Variants in TRAPPC3L observed in about 807,000 individuals in gnomAD.
TRAPPC3L encodes trafficking protein particle complex subunit 3L.
A neutral mutation model predicts 23.7 loss-of-function variants in TRAPPC3L; 23 were observed. The observed-to-expected ratio is 0.97, with a 90% CI of 0.70 to 1.37. The LOEUF is 1.37. TRAPPC3L is among the 40% of genes most tolerant of loss of function. The pLI, the probability that TRAPPC3L is intolerant of heterozygous loss-of-function variation, is 0.00. For missense variants in TRAPPC3L, 212 were observed against 216.8 expected (o/e 0.98, Z 0.14); for synonymous variants, 81 against 77.9 (o/e 1.04, Z -0.21).
chr6:116,531,706 A>G (rs965186215), intron 3 of TRAPPC3L, among the ~76,000 whole-genome samples: 7 of 152,204 alleles, frequency 4.6e-5, no homozygotes, highest in African/African-American at 1.7e-4. Context: ...ATAATATGAA[A>G]TGCACTATGT....
chr6:116,505,118 C>T (rs1383322013), intron 3 of TRAPPC3L, among the ~76,000 whole-genome samples: 2 of 152,086 alleles, frequency 1.3e-5, no homozygotes, highest in Non-Finnish European at 2.9e-5. Context: ...TTTAGAAAAC[C>T]CCATTGTCTC....
intron 3 of TRAPPC3L, chr6:116,523,175 T>C (rs1373512514): frequency 1.3e-5 from 2 of 152,094 alleles, no homozygotes; most frequent in African/African-American, 4.8e-5. Flanking sequence ...CTCAGAATCC[T>C]GGCCTGCACT....
chr6:116,535,779 G>A (rs889867091), intron 3 of TRAPPC3L, among the ~76,000 whole-genome samples: 45 of 152,198 alleles, frequency 3.0e-4, no homozygotes, highest in African/African-American at 1.1e-3. Flanking sequence ...TACCATAGTA[G>A]AAAAATATCT....
chr6:116,520,585 A>G (rs979360037), intron 3 of TRAPPC3L: 1 of 152,184 alleles, frequency 6.6e-6, no homozygotes, highest in Non-Finnish European at 1.5e-5. Flanking sequence ...TTTGACAATC[A>G]CAATGTCTGG....
chr6:116,509,526 C>T (rs1235940630), intron 3 of TRAPPC3L, among the ~76,000 whole-genome samples: 1 of 152,020 alleles, frequency 6.6e-6, no homozygotes, highest in East Asian at 1.9e-4. Flanking sequence ...GAATAGAGAA[C>T]TCAGAACCAA....
intron 3 of TRAPPC3L, chr6:116,512,338 G>T: frequency 7.8e-7 from 1 of 1,286,314 alleles, no homozygotes; most frequent in Non-Finnish European, 1.1e-6. Context: ...AGAATATTTT[G>T]AAACTAAATG....
intron 3 of TRAPPC3L, among the ~76,000 whole-genome samples, chr6:116,538,630 T>C (rs2064878): frequency 0.66 from 100,795 of 151,848 alleles, 33,716 homozygotes; most frequent in East Asian, 0.89. Context: ...CAACCTTAAA[T>C]ACAGGAGTCA....
chr6:116,524,421 C>T (rs1246227319), intron 3 of TRAPPC3L: 2 of 152,318 alleles, frequency 1.3e-5, no homozygotes, highest in African/African-American at 4.8e-5. Flanking sequence ...CAAAGGCTCA[C>T]AGGAATGCTA....
chr6:116,545,538 G>A lies in TRAPPC3L; in HGVS notation c.-24C>T. 1 of 1,540,542 alleles carries A rather than the reference G, an allele frequency of 6.5e-7. No individual in the cohort carries two copies. The highest frequency in any genetic ancestry group is 8.8e-7 in the Non-Finnish European group (1 of 1,139,212). On this transcript the variant is annotated 5_prime_UTR_variant, in exon 1 of 5. Coordinates refer to ENST00000368602, the MANE Select transcript of TRAPPC3L (RefSeq NM_001139444.3). The stretch of plus-strand genomic sequence containing the variant: ...ATAGTGCTTGATAGATGAAGAATAT[G>A]ATCTTCAATTTCTCTTCTTTTGCCT...
At chr6:116,512,019 T>G in intron 3 of TRAPPC3L, 2 of 1,613,998 alleles carry the variant, frequency 1.2e-6, no homozygotes, top group Non-Finnish European at 1.7e-6. Context: ...CTGAGCTCAT[T>G]GGTGGCTCCA....
chr6:116,511,884 T>C lies in TRAPPC3L; in HGVS notation c.241-11218A>G, dbSNP rs1252286717. 1 of 1,614,100 alleles carries C rather than the reference T, an allele frequency of 6.2e-7. No homozygotes were observed. Among genetic ancestry groups the C allele is most frequent in the East Asian group, 2.2e-5 (1 of 44,878 alleles). On this transcript the variant is annotated intron_variant, in intron 3 of 4. Coordinates refer to ENST00000368602, the MANE Select transcript of TRAPPC3L (RefSeq NM_001139444.3). Reference sequence around the variant, plus strand: ...CTCTTTGCTCCTGCCTGGGTGTTACTGATCCTGGGATTCTTTCTGAACAAT... The same window carrying C: ...CTCTTTGCTCCTGCCTGGGTGTTACCGATCCTGGGATTCTTTCTGAACAAT...
At chr6:116,538,555 A>G (rs186483313) in intron 3 of TRAPPC3L, among the ~76,000 whole-genome samples, 15 of 152,306 alleles carry the variant, frequency 9.8e-5, no homozygotes, top group African/African-American at 3.6e-4. Context: ...ATGCTAACAT[A>G]TCTTTAGAAT....
intron 3 of TRAPPC3L, among the ~76,000 whole-genome samples, chr6:116,510,169 A>AG (rs1260017876): frequency 6.6e-6 from 1 of 152,220 alleles, no homozygotes; most frequent in Non-Finnish European, 1.5e-5. Context: ...TAAAAAGGCA[A>AG]TAACAATAGA....
At chr6:116,517,016 G>A (rs1772241950) in intron 3 of TRAPPC3L, 1 of 152,406 alleles carries the variant, frequency 6.6e-6, no homozygotes, top group Admixed American at 6.6e-5. Flanking sequence ...TCAGGTTCTG[G>A]TGAGAGCAAT....
chr6:116,510,967 G>A (rs867587553), intron 3 of TRAPPC3L, among the ~76,000 whole-genome samples: 1 of 151,722 alleles, frequency 6.6e-6, no homozygotes, highest in Admixed American at 6.6e-5. Flanking sequence ...CTATGGGTAC[G>A]TAAAGGCATA....
At chr6:116,519,921 A>C (rs1772298862) in intron 3 of TRAPPC3L, 1 of 148,684 alleles carries the variant, frequency 6.7e-6, no homozygotes, top group Non-Finnish European at 1.5e-5. Context: ...CATTCAGCTT[A>C]TTCATATCAA....
intron 4 of TRAPPC3L, among the ~76,000 whole-genome samples, chr6:116,498,768 T>C (rs374488717): frequency 6.6e-6 from 1 of 152,254 alleles, no homozygotes; most frequent in Admixed American, 6.5e-5. Context: ...CAGTCTGTCC[T>C]CTTGAAATGA....
At chr6:116,521,321 A>G (rs1292866152) in intron 3 of TRAPPC3L, 2 of 152,148 alleles carry the variant, frequency 1.3e-5, no homozygotes, top group Non-Finnish European at 2.9e-5. Context: ...CTGGAGAATC[A>G]GGGAAATGTG....
intron 3 of TRAPPC3L, among the ~76,000 whole-genome samples, chr6:116,532,576 T>C (rs1160225569): frequency 6.6e-6 from 1 of 152,230 alleles, no homozygotes; most frequent in Non-Finnish European, 1.5e-5. Context: ...CACTGGCTAA[T>C]ACAATAAAGA....
Sources: gnomAD v4.1 joint callset for allele counts (sites outside exome capture counted in the v4.1 genomes callset) on GRCh38, gnomAD v4.1.1 for gene constraint, MANE v1.5 for transcripts, NCBI Gene and HGNC (gene_info 2026-07-23, HGNC 2026-07-21) for gene names.